The following ACOXL variants were observed in gnomAD, a reference collection of about 807,000 sequenced individuals.
ACOXL encodes acyl-coenzyme A oxidase-like protein.
In ACOXL, 70 loss-of-function variants were observed where a neutral mutation model predicts 71.9. The observed-to-expected ratio is 0.97, with a 90% CI of 0.80 to 1.19. The LOEUF (loss-of-function observed/expected upper bound fraction) is 1.19. Among genes scored for constraint, ACOXL ranks in the 50% most tolerant of loss-of-function variants. ACOXL has a pLI of 0.00. For missense variants in ACOXL, 703 were observed against 736.3 expected (o/e 0.95, Z 0.52); for synonymous variants, 253 against 281.6 (o/e 0.90, Z 1.02).
At chr2:110,897,791 C>T (rs2059073663) in intron 10 of ACOXL, among the ~76,000 whole-genome samples, 1 of 152,156 alleles carries the variant, frequency 6.6e-6, no homozygotes, top group South Asian at 2.1e-4. Flanking sequence ...TAGAGAATAT[C>T]AGTGAACAAA....
intron 17 of ACOXL, among the ~76,000 whole-genome samples, chr2:111,113,525 A>C (rs2070135578): frequency 6.6e-6 from 1 of 152,228 alleles, no homozygotes; most frequent in Admixed American, 6.5e-5. Context: ...TCTGTACTTC[A>C]TGCCTTTACC....
intron 15 of ACOXL, among the ~76,000 whole-genome samples, chr2:111,041,667 T>G (rs1238213341): frequency 6.6e-6 from 1 of 152,138 alleles, no homozygotes; most frequent in Non-Finnish European, 1.5e-5. Context: ...TTGGCCATGG[T>G]GAGCCAAGGC....
intron 14 of ACOXL, among the ~76,000 whole-genome samples, chr2:111,008,428 T>C (rs559989399): frequency 2.0e-5 from 3 of 152,160 alleles, no homozygotes; most frequent in African/African-American, 7.2e-5. Context: ...ATCCTTCCTG[T>C]ATTTCTTTCA....
At chr2:110,777,488 G>T (rs1284510021) in intron 2 of ACOXL, among the ~76,000 whole-genome samples, 1 of 152,204 alleles carries the variant, frequency 6.6e-6, no homozygotes, top group Admixed American at 6.5e-5. Context: ...TGAAGCAGAG[G>T]CAGGATTCAA....
intron 12 of ACOXL, among the ~76,000 whole-genome samples, chr2:110,979,280 G>C (rs1292324069): frequency 6.6e-6 from 1 of 152,144 alleles, no homozygotes; most frequent in Admixed American, 6.5e-5. Flanking sequence ...GCTGGGGCCT[G>C]TCTGCCCTTG....
Position 110,860,720 on chromosome 2 carries a change from G to C in ACOXL, c.788+19315G>C, listed in dbSNP as rs372464500. On this transcript the variant is annotated intron_variant, in intron 10 of 17. Coordinates refer to ENST00000439055, the MANE Select transcript of ACOXL (RefSeq NM_001142807.4). The stretch of plus-strand genomic sequence containing the variant: ...ACTCTATCCAGATCTTCAGTGCAGA[G>C]ACCAGGAGCTTTGGAGAGAGAGACT... 6.6e-5 allele frequency among the ~76,000 whole-genome samples: 10 copies of C among 152,328 alleles called. No homozygotes were observed. In the East Asian group the frequency reaches 1.7e-3, roughly 26 times the overall value.
In ACOXL at chr2:110,790,116, C is replaced by T. The variant is rs530509073; in HGVS notation, c.160-3534C>T. On this transcript the variant is annotated intron_variant, in intron 3 of 17. Coordinates refer to ENST00000439055, the MANE Select transcript of ACOXL (RefSeq NM_001142807.4). ...TGTAGATTTAAATCAGTAATGCCTA[C>T]AAGGATCCCCGTGCCAAACCTGGCA... 5.9e-5 allele frequency among the ~76,000 whole-genome samples: 9 copies of T among 152,024 alleles called. No individual in the cohort carries two copies. In the East Asian group the frequency reaches 1.4e-3, roughly 23 times the overall value.
At chr2:110,811,998 A>G (rs1687394583) in intron 9 of ACOXL, among the ~76,000 whole-genome samples, 1 of 152,196 alleles carries the variant, frequency 6.6e-6, no homozygotes, top group African/African-American at 2.4e-5. Context: ...TTTCGTATGT[A>G]AGAAGTGGGG....
At chr2:110,983,847 C>T (rs2062818580) in intron 12 of ACOXL, among the ~76,000 whole-genome samples, 1 of 151,992 alleles carries the variant, frequency 6.6e-6, no homozygotes, top group Non-Finnish European at 1.5e-5. Context: ...TGTAAGAGAT[C>T]ACTTTTTTAT....
chr2:110,749,886 T>G (rs1008110137), intron 1 of ACOXL, among the ~76,000 whole-genome samples: 6 of 152,238 alleles, frequency 3.9e-5, no homozygotes, highest in Admixed American at 6.5e-5. Flanking sequence ...ACAGTTCCTC[T>G]GTCTTTCATG....
intron 13 of ACOXL, among the ~76,000 whole-genome samples, chr2:110,994,464 A>G (rs2063306964): frequency 6.6e-6 from 1 of 151,386 alleles, no homozygotes; most frequent in South Asian, 2.1e-4. Flanking sequence ...TTTAGTTAAT[A>G]TGAATTTAAG....
At chr2:110,970,984 TA>T (rs1314019219) in intron 12 of ACOXL, among the ~76,000 whole-genome samples, 1 of 151,994 alleles carries the variant, frequency 6.6e-6, no homozygotes, top group East Asian at 1.9e-4. Flanking sequence ...TCATGAAAAA[TA>T]AAATTTTTTA....
intron 13 of ACOXL, among the ~76,000 whole-genome samples, chr2:110,989,017 CATTA>C (rs916488997): frequency 4.6e-5 from 7 of 151,984 alleles, no homozygotes; most frequent in African/African-American, 1.7e-4. Context: ...GAGATAAATT[CATTA>C]ATTATAGTCG....
chr2:110,827,713 G>A (rs1310132903), intron 9 of ACOXL, among the ~76,000 whole-genome samples: 1 of 152,056 alleles, frequency 6.6e-6, no homozygotes, highest in East Asian at 1.9e-4. Flanking sequence ...CTTAGCTGGA[G>A]ACATCAGCTG....
Position 110,987,232 on chromosome 2 carries a change from G to A in ACOXL, c.1169+15G>A. 1 of 1,558,320 alleles carries A rather than the reference G, an allele frequency of 6.4e-7. No homozygotes were observed. Among genetic ancestry groups the A allele is most frequent in the African/African-American group, 1.4e-5 (1 of 73,770 alleles). On this transcript the variant is annotated intron_variant, in intron 13 of 17. Transcript: ENST00000439055. ...CTGAGAACCAGGTACGTATTACTCA[G>A]GCCATCATCATCTGCCTTCAGTGGG...
At chr2:110,909,618 C>T (rs2059580931) in intron 11 of ACOXL, among the ~76,000 whole-genome samples, 1 of 151,932 alleles carries the variant, frequency 6.6e-6, no homozygotes, top group East Asian at 1.9e-4. Flanking sequence ...AGTGTTAACT[C>T]CAGTCATTCA....
intron 1 of ACOXL, among the ~76,000 whole-genome samples, chr2:110,755,543 G>A (rs993750937): frequency 6.6e-6 from 1 of 152,098 alleles, no homozygotes; most frequent in African/African-American, 2.4e-5. Context: ...ATTTTTCCGC[G>A]GCAGATTGTC....
chr2:111,057,865 C>G (rs1283478353), intron 16 of ACOXL, among the ~76,000 whole-genome samples: 4 of 152,244 alleles, frequency 2.6e-5, no homozygotes, highest in African/African-American at 7.2e-5. Context: ...AAATAAGTAT[C>G]TAAATGGAGA....
chr2:110,915,424 A>ATTT (rs1413512606), intron 11 of ACOXL, among the ~76,000 whole-genome samples: 1 of 112,408 alleles, frequency 8.9e-6, no homozygotes, highest in African/African-American at 3.6e-5. Context: ...ATATATATAT[A>ATTT]TATATTTTTT....
Sources: allele counts gnomAD v4.1 joint callset (sites outside exome capture counted in the v4.1 genomes callset), GRCh38; gene constraint gnomAD v4.1.1; transcripts MANE v1.5; gene names NCBI Gene and HGNC (gene_info 2026-07-23, HGNC 2026-07-21).